ANAPC5: variants seen among roughly 807,000 people sequenced by gnomAD.
The protein encoded by ANAPC5 is anaphase-promoting complex subunit 5.
Under a neutral mutation model 91.3 loss-of-function variants are expected in ANAPC5, and 60 were observed. The observed-to-expected ratio is 0.66, with a 90% CI of 0.53 to 0.81. The LOEUF is 0.81. ANAPC5 is among the 40% of genes least tolerant of loss of function. ANAPC5 has a pLI of 0.00. For missense variants in ANAPC5, 690 were observed against 931.5 expected (o/e 0.74, Z 3.37); for synonymous variants, 340 against 364.1 (o/e 0.93, Z 0.75).
intron 8 of ANAPC5, chr12:121,331,051 T>C: frequency 2.4e-6 from 1 of 409,294 alleles, no homozygotes; most frequent in East Asian, 4.5e-5. Context: ...TTACTAAGTG[T>C]AGTATACATC....
intron 6 of ANAPC5, among the ~76,000 whole-genome samples, chr12:121,336,924 T>C (rs1435080221): frequency 5.9e-5 from 9 of 152,110 alleles, no homozygotes; most frequent in Admixed American, 4.6e-4. Context: ...CTACTCAATA[T>C]AAAAAGTAGC....
chr12:121,309,586 G>T, intron 16 of ANAPC5, 115 bp downstream of exon 16: 1 of 1,230,692 alleles, frequency 8.1e-7, no homozygotes, highest in Non-Finnish European at 1.1e-6. Context: ...ATATATTTGT[G>T]AACACTCAGA....
intron 1 of ANAPC5, among the ~76,000 whole-genome samples, chr12:121,351,467 T>A (rs569157030): frequency 9.9e-5 from 15 of 152,162 alleles, no homozygotes; most frequent in Non-Finnish European, 1.8e-4. Flanking sequence ...TTATGCCTTT[T>A]TTTTTTTTGA....
At chr12:121,317,582 G>T (rs918062994) in intron 15 of ANAPC5, among the ~76,000 whole-genome samples, 2 of 151,692 alleles carry the variant, frequency 1.3e-5, no homozygotes, top group Non-Finnish European at 2.9e-5. Flanking sequence ...AAAAAAAAAA[G>T]AATCACTGAG....
At chr12:121,325,409 G>A (rs1201220403) in intron 11 of ANAPC5, among the ~76,000 whole-genome samples, 3 of 151,804 alleles carry the variant, frequency 2.0e-5, no homozygotes, top group African/African-American at 7.3e-5. Flanking sequence ...GTTGCAGTGA[G>A]CTGAGATCAC....
chr12:121,329,994 A>G (rs1308847143), intron 9 of ANAPC5, among the ~76,000 whole-genome samples: 1 of 152,202 alleles, frequency 6.6e-6, no homozygotes, highest in Non-Finnish European at 1.5e-5. Flanking sequence ...CAAAACGAGA[A>G]AGGACAAATC....
chr12:121,323,507 T>C (rs568842927), intron 11 of ANAPC5, among the ~76,000 whole-genome samples: 6 of 152,224 alleles, frequency 3.9e-5, no homozygotes, highest in Admixed American at 3.3e-4. Flanking sequence ...AATTTTTGTA[T>C]ATTTTGTAGA....
chr12:121,339,600 A>G (rs1159723642), intron 5 of ANAPC5, among the ~76,000 whole-genome samples: 2 of 152,100 alleles, frequency 1.3e-5, no homozygotes, highest in Non-Finnish European at 2.9e-5. Context: ...CCTCCCAAGT[A>G]GCTGGGACGA....
At position 121,342,540 on chromosome 12, in the gene ANAPC5, T is replaced by TA. The variant is rs539448052; in HGVS notation, c.591-472dup. On this transcript the variant is annotated intron_variant, in intron 4 of 16. Coordinates refer to ENST00000261819, the MANE Select transcript of ANAPC5 (RefSeq NM_016237.5). This position sits in a 1 kb window ranked among gnomAD's most constrained non-coding sequence, Gnocchi z 4.1. ...AAAAAATAAATAATACATTTTTAAA[T>TA]AAAAAAAATTAAAAACTCTTAGAAG... Among the ~76,000 whole-genome samples, 40 of 152,090 alleles carry TA rather than the reference T, an allele frequency of 2.6e-4. 1 individual carries two copies. In the East Asian group the frequency reaches 6.9e-3, roughly 26 times the overall value.
chr12:121,319,296 G>A (rs1363455206), intron 13 of ANAPC5, among the ~76,000 whole-genome samples: 2 of 151,074 alleles, frequency 1.3e-5, no homozygotes, highest in African/African-American at 4.9e-5. Context: ...GCAATGGTGC[G>A]ATCTTGGCTC....
chr12:121,342,938 T>C lies in ANAPC5; in HGVS notation c.591-869A>G, dbSNP rs782296148. Among the ~76,000 whole-genome samples, 1 of 152,170 alleles carries C rather than the reference T, an allele frequency of 6.6e-6. No homozygotes were observed. The highest frequency in any genetic ancestry group is 1.5e-5 in the Non-Finnish European group (1 of 68,026). ...AAGAAATACATGTAAGTACATCCTA[T>C]AAAATAAAAAGGTTCTCTAACAAAG... On this transcript the variant is annotated intron_variant, in intron 4 of 16. Transcript: ENST00000261819. This position sits in a 1 kb window ranked among gnomAD's most constrained non-coding sequence, Gnocchi z 4.1.
chr12:121,338,662 A>G lies in ANAPC5; in HGVS notation c.658-1270T>C, dbSNP rs117651104. 4.1e-4 allele frequency among the ~76,000 whole-genome samples: 63 copies of G among 152,294 alleles called. No individual in the cohort carries two copies. In the East Asian group the frequency reaches 9.3e-3, roughly 22 times the overall value. ...AGTATGGGGAAAAATTATTCCAAAA[A>G]TATAGAAAACCTACAGAAGAAAACA... is the stretch of plus-strand genomic sequence containing the variant. On this transcript the variant is annotated intron_variant, in intron 5 of 16. Transcript: ENST00000261819.
intron 1 of ANAPC5, among the ~76,000 whole-genome samples, chr12:121,350,129 G>A (rs1376533202): frequency 6.6e-6 from 1 of 151,990 alleles, no homozygotes; most frequent in Non-Finnish European, 1.5e-5. Context: ...TATTTAACTG[G>A]GTAGGTCTCT....
chr12:121,312,281 T>C (rs1323586836), intron 15 of ANAPC5, among the ~76,000 whole-genome samples: 2 of 152,122 alleles, frequency 1.3e-5, no homozygotes, highest in African/African-American at 4.8e-5. Flanking sequence ...CCACAGACTC[T>C]GGCTGGGCGC....
At chr12:121,319,553 C>A in intron 13 of ANAPC5, 144 bp downstream of exon 13, 1 of 835,702 alleles carries the variant, frequency 1.2e-6, no homozygotes. Flanking sequence ...AGTCACCATG[C>A]CCAGCTGCTT....
chr12:121,330,310 T>C (rs1258952451), intron 9 of ANAPC5, among the ~76,000 whole-genome samples: 4 of 152,248 alleles, frequency 2.6e-5, no homozygotes, highest in African/African-American at 9.6e-5. Context: ...ATGTGCTAAA[T>C]TAATGTTGCT....
intron 11 of ANAPC5, among the ~76,000 whole-genome samples, chr12:121,321,479 C>G (rs559181777): frequency 2.0e-5 from 3 of 149,958 alleles, no homozygotes; most frequent in East Asian, 2.0e-4. Context: ...CTCAGCCTCC[C>G]GAGTAGCAGG....
chr12:121,326,988 C>G, intron 11 of ANAPC5, 108 bp downstream of exon 11: 2 of 1,379,092 alleles, frequency 1.5e-6, no homozygotes, highest in Non-Finnish European at 1.9e-6. Flanking sequence ...GCCACAGTGT[C>G]GAGCAGAACT....
intron 1 of ANAPC5, among the ~76,000 whole-genome samples, chr12:121,348,225 T>A (rs1212057329): frequency 1.3e-5 from 2 of 152,228 alleles, no homozygotes; most frequent in African/African-American, 4.8e-5. Context: ...CCCTTGTTTT[T>A]GGCAAAGATT....
Sources: allele counts gnomAD v4.1 joint callset (sites outside exome capture counted in the v4.1 genomes callset), GRCh38; gene constraint gnomAD v4.1.1; non-coding constraint Gnocchi (gnomAD v3.1); transcripts MANE v1.5; gene names NCBI Gene and HGNC (gene_info 2026-07-23, HGNC 2026-07-21).